Variants in SVIL observed in about 807,000 individuals in gnomAD.
SVIL encodes the protein supervillin, also known as archvillin.
Under a neutral mutation model 240.4 loss-of-function variants are expected in SVIL, and 101 were observed. The ratio of observed to expected loss-of-function variants is 0.42; its 90% confidence interval spans 0.36 to 0.50. The LOEUF (loss-of-function observed/expected upper bound fraction) is 0.50. Ranked by LOEUF, SVIL falls within the 20% of genes least tolerant of loss-of-function variation. The pLI, the probability that SVIL is intolerant of heterozygous loss-of-function variation, is 0.01. For synonymous variants in SVIL, 999 were observed against 1,100.0 expected, an observed-to-expected ratio of 0.91 and a Z score of 1.82; for missense variants, 2,512 against 2,818.7, an observed-to-expected ratio of 0.89 and a Z score of 2.46.
At chr10:29,564,707 G>A (rs1954821133) in intron 2 of SVIL, among the ~76,000 whole-genome samples, 1 of 152,182 alleles carries the variant, frequency 6.6e-6, no homozygotes, top group Non-Finnish European at 1.5e-5. Flanking sequence ...AAGCCCATCT[G>A]AAATCTTCGT....
intron 1 of SVIL, chr10:29,602,125 A>G (rs998629797): frequency 2.7e-6 from 1 of 367,654 alleles, no homozygotes; most frequent in African/African-American, 2.2e-5. Context: ...GCTTTTAACA[A>G]TTTATGGAGC....
chr10:29,532,606 C>A lies in SVIL; in HGVS notation c.1761G>T (p.Met587Ile). ...KTEGPYGEIS[M>I]LDTKVSVAQL... ...GGGCGACAGAGACTTTTGTGTCCAG[C>A]ATGCTGATCTCCCCATAAGGCCCTT... The change falls in exon 8 of 38, where the codon ATG (methionine) becomes ATT (isoleucine). Residue 587 changes from methionine to isoleucine, a missense_variant. This residue lies in a region of SVIL where 1,443 missense variants were observed against 1,486.6 expected (regional missense o/e 0.97). Transcript: ENST00000355867. The A allele has an allele frequency of 6.2e-7, 1 of 1,614,098 alleles. No individual in the cohort carries two copies. Among genetic ancestry groups the A allele is most frequent in the Non-Finnish European group, 8.5e-7 (1 of 1,179,934 alleles).
intron 1 of SVIL, among the ~76,000 whole-genome samples, chr10:29,609,712 C>T (rs1245341050): frequency 1.3e-5 from 2 of 152,252 alleles, no homozygotes; most frequent in Non-Finnish European, 2.9e-5. Context: ...CTGGTCCAGC[C>T]ACAGCCTCAA....
rs34705681 is a variant in SVIL, at chr10:29,604,202, CTT to C, written c.-201+30216_-201+30217del. Among the ~76,000 whole-genome samples, 1,273 of 134,902 alleles carry C rather than the reference CTT, an allele frequency of 9.4e-3. 16 individuals carry two copies. Among genetic ancestry groups the C allele is most frequent in the African/African-American group, 0.028 (1,032 of 37,336 alleles). 88.5% of individuals were successfully genotyped at this position (134,902 alleles called of 152,430 possible). ...TATTTTATTATTTATTATTGTTCCT[CTT>C]TTTTTTTTTTTTTGAGACAGAGTTT... On this transcript the variant is annotated intron_variant, in intron 1 of 37. Coordinates refer to ENST00000355867, the MANE Select transcript of SVIL (RefSeq NM_021738.3).
chr10:29,711,044 T>G (rs1042148012), intron 1 of SVIL, among the ~76,000 whole-genome samples: 1 of 151,996 alleles, frequency 6.6e-6, no homozygotes, highest in African/African-American at 2.4e-5. Flanking sequence ...TTGAGGGAAA[T>G]AGTCAAGGAG....
chr10:29,486,361 G>T (rs1469003470), intron 25 of SVIL, 49 bp downstream of exon 25: 14 of 1,607,220 alleles, frequency 8.7e-6, no homozygotes, highest in Non-Finnish European at 9.3e-6. Context: ...TAAGGGAGAA[G>T]AAAGGAGATT....
chr10:29,684,408 A>G (rs1026263654), intron 2 of SVIL, among the ~76,000 whole-genome samples: 1 of 152,160 alleles, frequency 6.6e-6, no homozygotes, highest in Non-Finnish European at 1.5e-5. Context: ...CATGGAAGGT[A>G]TACACTGGTT....
intron 3 of SVIL, among the ~76,000 whole-genome samples, chr10:29,561,312 T>A (rs1436939576): frequency 6.6e-6 from 1 of 152,104 alleles, no homozygotes; most frequent in Non-Finnish European, 1.5e-5. Flanking sequence ...ACAGATGAAG[T>A]TACCATTTGT....
Position 29,486,463 on chromosome 10 carries a change from G to A in SVIL, c.4580C>T (p.Thr1527Ile), listed in dbSNP as rs777677400. Residue 1527 changes from threonine (T) to isoleucine (I), a missense_variant, in exon 25 of 38, where the codon ACT becomes ATT. This residue lies in a region of SVIL where 797 missense variants were observed against 925.3 expected (regional missense o/e 0.86). Coordinates refer to ENST00000355867, the MANE Select transcript of SVIL (RefSeq NM_021738.3). ...QTIEEGINTH[T>I]HAAKDFWKLL... The stretch of plus-strand genomic sequence containing the variant: ...CTTCCAGAAGTCTTTGGCTGCATGA[G>A]TGTGTGTATTAATTCCTTCTTCAAT... The A allele has an allele frequency of 2.0e-5, 33 of 1,614,102 alleles. No individual in the cohort carries two copies. Among genetic ancestry groups the A allele is most frequent in the Middle Eastern group, 1.6e-4 (1 of 6,084 alleles).
At chr10:29,548,188 A>G (rs1032373952) in intron 6 of SVIL, among the ~76,000 whole-genome samples, 10 of 152,172 alleles carry the variant, frequency 6.6e-5, no homozygotes, top group Non-Finnish European at 1.5e-4. Context: ...CAGTACCACA[A>G]GGGTCTGCTT....
chr10:29,518,593 C>T (rs1375911619), intron 16 of SVIL, among the ~76,000 whole-genome samples: 28 of 152,100 alleles, frequency 1.8e-4, no homozygotes, highest in Non-Finnish European at 3.1e-4. Context: ...CAGTGGCTCA[C>T]GCCTGTAATC....
chr10:29,555,180 C>T (rs556944456), intron 3 of SVIL, 72 bp from the exon 4 acceptor site: 107 of 1,393,826 alleles, frequency 7.7e-5, no homozygotes, highest in African/African-American at 6.4e-4. Context: ...ACTCATGCAA[C>T]GTGTTTATTG....
chr10:29,661,954 A>G (rs1290816773), intron 2 of SVIL, among the ~76,000 whole-genome samples: 1 of 152,098 alleles, frequency 6.6e-6, no homozygotes, highest in Non-Finnish European at 1.5e-5. Flanking sequence ...GTGAGCCACC[A>G]TGCCCGGCCC....
chr10:29,600,740 G>T (rs1185678828), intron 1 of SVIL, among the ~76,000 whole-genome samples: 1 of 152,206 alleles, frequency 6.6e-6, no homozygotes, highest in Non-Finnish European at 1.5e-5. Context: ...CGAAGGGGTA[G>T]AATTGTGATG....
At chr10:29,650,956 T>A (rs1054503296) in intron 3 of SVIL, among the ~76,000 whole-genome samples, 2 of 152,204 alleles carry the variant, frequency 1.3e-5, no homozygotes, top group African/African-American at 4.8e-5. Context: ...GTCTTTTCTC[T>A]TTATTCTGAT....
At chr10:29,701,850 T>A (rs1446625128) in intron 1 of SVIL, among the ~76,000 whole-genome samples, 1 of 152,128 alleles carries the variant, frequency 6.6e-6, no homozygotes, top group Admixed American at 6.6e-5. Context: ...TAATCTCATG[T>A]CAGACAAGAT....
At position 29,605,391 on chromosome 10, in the gene SVIL, G is replaced by C. The variant is rs976903849; in HGVS notation, c.-201+29029C>G. On this transcript the variant is annotated intron_variant, in intron 1 of 37. Transcript: ENST00000355867. ...CCCGTCTCCCCCCAGCCTCAGCAGA[G>C]TGCAAGAGCAGCTCTAGAGTTTTGC... Among the ~76,000 whole-genome samples the C allele has an allele frequency of 4.6e-5, 7 of 152,352 alleles. No individual in the cohort carries two copies. In the East Asian group the frequency reaches 1.2e-3, roughly 25 times the overall value.
intron 1 of SVIL, among the ~76,000 whole-genome samples, chr10:29,609,487 T>TC (rs554684302): frequency 2.7e-4 from 41 of 151,998 alleles, no homozygotes; most frequent in African/African-American, 8.9e-4. Flanking sequence ...CTGAAACATG[T>TC]CCCCCCACTC....
At chr10:29,597,446 G>T (rs1194132666) in intron 1 of SVIL, among the ~76,000 whole-genome samples, 2 of 152,088 alleles carry the variant, frequency 1.3e-5, no homozygotes, top group Admixed American at 6.5e-5. Context: ...TTGAGAGGGA[G>T]TCTTGCTCTG....
Sources: allele counts gnomAD v4.1 joint callset (sites outside exome capture counted in the v4.1 genomes callset), GRCh38; gene constraint gnomAD v4.1.1; regional missense constraint gnomAD v4.1.1; transcripts MANE v1.5; gene names NCBI Gene and HGNC (gene_info 2026-07-23, HGNC 2026-07-21).